BACH2: variants seen among roughly 807,000 people sequenced by gnomAD.
BACH2 encodes the protein transcription regulator protein BACH2.
A neutral mutation model predicts 61.8 loss-of-function variants in BACH2; 5 were observed. The observed-to-expected ratio is 0.08, with a 90% CI of 0.04 to 0.17. BACH2 has a LOEUF of 0.17. Among genes scored for constraint, BACH2 ranks in the 10% least tolerant of loss-of-function variants. BACH2 has a pLI of 1.00. For missense variants in BACH2, 824 were observed against 1,091.1 expected, an observed-to-expected ratio of 0.76 and a Z score of 3.45; for synonymous variants, 446 against 440.1, an observed-to-expected ratio of 1.01 and a Z score of -0.17.
chr6:90,213,021 T>C (rs2127852504), intron 3 of BACH2, among the ~76,000 whole-genome samples: 1 of 152,350 alleles, frequency 6.6e-6, no homozygotes, highest in Admixed American at 6.5e-5. Context: ...GATTTAGGAC[T>C]ATCTCAATTT....
At chr6:90,069,762 T>C (rs73497186) in intron 5 of BACH2, among the ~76,000 whole-genome samples, 8 of 152,170 alleles carry the variant, frequency 5.3e-5, no homozygotes, top group African/African-American at 1.9e-4. Flanking sequence ...AAGAAGGCGA[T>C]TAGGGAAATT....
rs189552577 is a variant in BACH2 at position 90,211,543 on chromosome 6, C to T, written c.-274-4862G>A. On this transcript the variant is annotated intron_variant, in intron 3 of 8. Coordinates refer to ENST00000257749, the MANE Select transcript of BACH2 (RefSeq NM_021813.4). The stretch of plus-strand genomic sequence containing the variant: ...GTATGCTGAGAATAACATAAGCCAC[C>T]TTTAATCCTATGCTCTTTAAAGAGA... Among the ~76,000 whole-genome samples the T allele has an allele frequency of 1.9e-3, 287 of 151,506 alleles. 8 individuals carry two copies. The South Asian group carries it at 0.034, about 18-fold the overall frequency.
At chr6:89,943,828 T>C (rs1322011848) in intron 7 of BACH2, among the ~76,000 whole-genome samples, 1 of 152,194 alleles carries the variant, frequency 6.6e-6, no homozygotes, top group Non-Finnish European at 1.5e-5. Flanking sequence ...CCCATGGGAG[T>C]AGGGTCACAT....
At chr6:89,961,959 C>T (rs1039914916) in intron 6 of BACH2, among the ~76,000 whole-genome samples, 2 of 152,142 alleles carry the variant, frequency 1.3e-5, no homozygotes, top group African/African-American at 2.4e-5. Context: ...TCCATTTTAA[C>T]CTTGCAAAAT....
intron 5 of BACH2, among the ~76,000 whole-genome samples, chr6:90,009,825 T>C (rs1777612272): frequency 6.6e-6 from 1 of 152,152 alleles, no homozygotes; most frequent in Non-Finnish European, 1.5e-5. Flanking sequence ...CCACCGTGCC[T>C]AACTAATTTT....
chr6:90,164,141 G>T (rs1767516140), intron 4 of BACH2, among the ~76,000 whole-genome samples: 1 of 152,098 alleles, frequency 6.6e-6, no homozygotes, highest in Non-Finnish European at 1.5e-5. Context: ...TTTTTGAAAA[G>T]ATCAACAACA....
At chr6:90,193,410 C>G (rs1768645375) in intron 4 of BACH2, among the ~76,000 whole-genome samples, 1 of 152,114 alleles carries the variant, frequency 6.6e-6, no homozygotes, top group South Asian at 2.1e-4. Flanking sequence ...GAAAAGGTGA[C>G]CTTCTACAAG....
chr6:90,070,490 A>G (rs544168703), intron 5 of BACH2, among the ~76,000 whole-genome samples: 1 of 152,264 alleles, frequency 6.6e-6, no homozygotes, highest in Non-Finnish European at 1.5e-5. Flanking sequence ...AAGCAGACAC[A>G]GCATGGCGGT....
intron 4 of BACH2, among the ~76,000 whole-genome samples, chr6:90,144,545 G>A (rs571942533): frequency 6.6e-6 from 1 of 152,260 alleles, no homozygotes; most frequent in Non-Finnish European, 1.5e-5. Context: ...ATCCTGGCTG[G>A]GCCTGCCCGC....
intron 1 of BACH2, among the ~76,000 whole-genome samples, chr6:90,295,685 T>A (rs937628179): frequency 7.3e-6 from 1 of 136,234 alleles, no homozygotes; most frequent in East Asian, 2.1e-4. Context: ...GTGTGTGTGT[T>A]GCACCTTGAC....
At chr6:90,166,891 C>A (rs1767640373) in intron 4 of BACH2, among the ~76,000 whole-genome samples, 1 of 138,324 alleles carries the variant, frequency 7.2e-6, no homozygotes, top group Non-Finnish European at 1.5e-5. Flanking sequence ...GAACATCACA[C>A]ACCAGGGCCT....
At chr6:90,259,308 T>G (rs1771083682) in intron 2 of BACH2, among the ~76,000 whole-genome samples, 1 of 152,222 alleles carries the variant, frequency 6.6e-6, no homozygotes, top group Non-Finnish European at 1.5e-5. Flanking sequence ...AAATGCTTTT[T>G]CTGTGTCAAT....
chr6:90,159,991 C>T (rs572858941), intron 4 of BACH2, among the ~76,000 whole-genome samples: 1 of 152,312 alleles, frequency 6.6e-6, no homozygotes, highest in South Asian at 2.1e-4. Context: ...AGTATGTATG[C>T]TCTTGACATC....
chr6:90,097,313 G>A (rs764636149), intron 4 of BACH2, among the ~76,000 whole-genome samples: 11 of 152,188 alleles, frequency 7.2e-5, no homozygotes, highest in Non-Finnish European at 1.3e-4. Flanking sequence ...GATCAGCAGA[G>A]CTGAAAGGGA....
intron 5 of BACH2, among the ~76,000 whole-genome samples, chr6:90,032,832 T>C (rs148193333): frequency 0.045 from 6,843 of 152,246 alleles, 485 homozygotes; most frequent in African/African-American, 0.15. Flanking sequence ...AGAAATACTA[T>C]TTGACCCAGC....
intron 4 of BACH2, among the ~76,000 whole-genome samples, chr6:90,137,341 GC>G (rs1285806022): frequency 2.0e-5 from 3 of 152,032 alleles, no homozygotes; most frequent in African/African-American, 7.2e-5. Context: ...AGATGTTTCT[GC>G]TGGAGTGAGA....
At chr6:90,268,328 A>G (rs1771412313) in intron 2 of BACH2, among the ~76,000 whole-genome samples, 1 of 152,132 alleles carries the variant, frequency 6.6e-6, no homozygotes, top group African/African-American at 2.4e-5. Context: ...TTATACATGC[A>G]AGAAATGTGA....
Position 90,202,641 on chromosome 6 carries a change from G to A in BACH2, c.-162+3928C>T, listed in dbSNP as rs192424767. On this transcript the variant is annotated intron_variant, in intron 4 of 8. Transcript: ENST00000257749. ...ATGGGGGAAGAGAGAGGGTCATTTT[G>A]TATAATAATGGAAAAATCAATTATT... 3.5e-4 allele frequency among the ~76,000 whole-genome samples: 54 copies of A among 152,258 alleles called. 3 individuals are homozygous for A. In the East Asian group the frequency reaches 5.8e-3, roughly 16 times the overall value.
chr6:90,133,137 T>C (rs946654543), intron 4 of BACH2, among the ~76,000 whole-genome samples: 2 of 152,248 alleles, frequency 1.3e-5, no homozygotes, highest in Admixed American at 1.3e-4. Flanking sequence ...CAGAAGATTA[T>C]ATTTTCTACT....
Sources: gnomAD v4.1 joint callset for allele counts (sites outside exome capture counted in the v4.1 genomes callset) on GRCh38, gnomAD v4.1.1 for gene constraint, MANE v1.5 for transcripts, NCBI Gene and HGNC (gene_info 2026-07-23, HGNC 2026-07-21) for gene names.